Variants in MTCL3 observed in about 807,000 individuals in gnomAD.
MTCL3 encodes the protein microtubule cross-linking factor 3.
chr6:127,492,768 C>T, the MTCL3 span, among the ~76,000 whole-genome samples: 46,827 of 152,064 alleles, frequency 0.31, 7,822 homozygotes, highest in Middle Eastern at 0.39. Context: ...GTGATCCACT[C>T]GCCTCGGCCT....
At chr6:127,495,421 A>G in the MTCL3 span, among the ~76,000 whole-genome samples, 1 of 152,174 alleles carries the variant, frequency 6.6e-6, no homozygotes, top group Admixed American at 6.5e-5. Flanking sequence ...GGCAAAGAAA[A>G]AAAACTGTGG....
the MTCL3 span, among the ~76,000 whole-genome samples, chr6:127,481,033 T>C: frequency 6.6e-6 from 1 of 152,226 alleles, no homozygotes; most frequent in Non-Finnish European, 1.5e-5. Flanking sequence ...TTGACTTTTT[T>C]AAGGTCCCTG....
the MTCL3 span, among the ~76,000 whole-genome samples, chr6:127,489,177 A>T: frequency 6.6e-6 from 1 of 152,200 alleles, no homozygotes; most frequent in African/African-American, 2.4e-5. Context: ...ATCTGGGATG[A>T]ATGATCTTTG....
chr6:127,487,125 G>A, the MTCL3 span, among the ~76,000 whole-genome samples: 1 of 152,148 alleles, frequency 6.6e-6, no homozygotes, highest in Non-Finnish European at 1.5e-5. Context: ...ATTGTCTGAA[G>A]CACACAATGG....
chr6:127,487,187 T>G, the MTCL3 span, among the ~76,000 whole-genome samples: 1 of 152,184 alleles, frequency 6.6e-6, no homozygotes. Flanking sequence ...TTAGCCAGTT[T>G]CAGAGTTCCC....
chr6:127,508,508 T>C, the MTCL3 span, among the ~76,000 whole-genome samples: 1 of 152,160 alleles, frequency 6.6e-6, no homozygotes, highest in Admixed American at 6.5e-5. Flanking sequence ...AAAATAAAAG[T>C]CCAAGATAGA....
chr6:127,514,179 G>A, the MTCL3 span, among the ~76,000 whole-genome samples: 1 of 152,058 alleles, frequency 6.6e-6, no homozygotes, highest in African/African-American at 2.4e-5. Flanking sequence ...TTTTTCCACT[G>A]GAAGAAATTC....
At chr6:127,489,370 C>G in the MTCL3 span, among the ~76,000 whole-genome samples, 6 of 152,158 alleles carry the variant, frequency 3.9e-5, no homozygotes, top group African/African-American at 1.2e-4. Flanking sequence ...CTACAATGGC[C>G]TCTAAGTTTT....
chr6:127,476,445 G>T, the MTCL3 span: 1 of 1,603,408 alleles, frequency 6.2e-7, no homozygotes. The surrounding 1 kb of genome is among the most constrained non-coding windows in gnomAD (Gnocchi z 4.4). Context: ...ACTGCAGCTG[G>T]CACTTCAGAT....
the MTCL3 span, among the ~76,000 whole-genome samples, chr6:127,506,063 T>C: frequency 2.0e-5 from 3 of 152,226 alleles, no homozygotes; most frequent in Admixed American, 1.3e-4. Context: ...CTATAAATTT[T>C]AAGTTATTTG....
At chr6:127,473,212 T>G in the MTCL3 span, 4 of 1,388,766 alleles carry the variant, frequency 2.9e-6, no homozygotes, top group Non-Finnish European at 3.7e-6. Flanking sequence ...TTCTTTTACT[T>G]CTTGTCTTGA....
the MTCL3 span, among the ~76,000 whole-genome samples, chr6:127,483,694 G>C: frequency 1.3e-5 from 2 of 152,180 alleles, no homozygotes; most frequent in Non-Finnish European, 2.9e-5. Flanking sequence ...GGAAGTCAAA[G>C]AATACACAGC....
the MTCL3 span, among the ~76,000 whole-genome samples, chr6:127,477,992 GAAGT>G: frequency 2.0e-5 from 3 of 152,266 alleles, no homozygotes; most frequent in African/African-American, 7.2e-5. Context: ...TAAAATCAAA[GAAGT>G]AAGATGTGTT....
the MTCL3 span, among the ~76,000 whole-genome samples, chr6:127,507,842 C>CAAA: frequency 1.7e-4 from 14 of 82,076 alleles, 1 homozygote; most frequent in African/African-American, 4.0e-4. Context: ...GACTATGTCT[C>CAAA]AAAAAAAAAA....
chr6:127,475,205 G>A, the MTCL3 span: 2 of 1,405,702 alleles, frequency 1.4e-6, no homozygotes, highest in South Asian at 1.4e-5. The surrounding 1 kb of genome is among the most constrained non-coding windows in gnomAD (Gnocchi z 7.3). Context: ...GCGGGGCGCG[G>A]CAGTCCGGGC....
the MTCL3 span, among the ~76,000 whole-genome samples, chr6:127,484,343 T>C: frequency 6.6e-6 from 1 of 152,184 alleles, no homozygotes; most frequent in African/African-American, 2.4e-5. Context: ...TGGTTATTCA[T>C]TTCTAGTTCT....
At chr6:127,498,957 A>C in the MTCL3 span, among the ~76,000 whole-genome samples, 1 of 152,188 alleles carries the variant, frequency 6.6e-6, no homozygotes, top group African/African-American at 2.4e-5. Context: ...AGAGATCTTT[A>C]TGAAGTGATG....
chr6:127,482,821 A>C, the MTCL3 span: 2 of 937,186 alleles, frequency 2.1e-6, no homozygotes, highest in East Asian at 5.5e-5. The surrounding 1 kb of genome is among the most constrained non-coding windows in gnomAD (Gnocchi z 4.1). Context: ...GCATAAGTTT[A>C]TCTGGCCATT....
At chr6:127,514,724 T>A in the MTCL3 span, 1 of 915,162 alleles carries the variant, frequency 1.1e-6, no homozygotes, top group Non-Finnish European at 1.6e-6. Context: ...TAAGGCTCCT[T>A]GCCAGTCGCC....
Sources: allele counts gnomAD v4.1 joint callset (sites outside exome capture counted in the v4.1 genomes callset), GRCh38; gene constraint gnomAD v4.1.1; non-coding constraint Gnocchi (gnomAD v3.1); transcripts MANE v1.5; gene names NCBI Gene and HGNC (gene_info 2026-07-23, HGNC 2026-07-21).